GNG12: variants seen among roughly 807,000 people sequenced by gnomAD.
The protein encoded by GNG12 is G protein subunit gamma 12, also known as guanine nucleotide-binding protein G(I)/G(S)/G(O) subunit gamma-12.
For missense variants in GNG12, 69 were observed against 83.8 expected, an observed-to-expected ratio of 0.82 and a Z score of 0.69; for synonymous variants, 28 against 29.7, an observed-to-expected ratio of 0.94 and a Z score of 0.19.
intron 1 of GNG12, among the ~76,000 whole-genome samples, chr1:67,789,981 C>G (rs994888059): frequency 2.0e-5 from 3 of 152,124 alleles, no homozygotes; most frequent in Non-Finnish European, 2.9e-5. Context: ...TATGGATTAG[C>G]AAAGAAATTT....
intron 2 of GNG12, among the ~76,000 whole-genome samples, chr1:67,769,809 C>T (rs912965646): frequency 3.3e-5 from 5 of 150,228 alleles, no homozygotes; most frequent in Non-Finnish European, 4.4e-5. Context: ...AGACAAGGCA[C>T]GCACACACAC....
intron 2 of GNG12, among the ~76,000 whole-genome samples, chr1:67,725,001 T>C (rs1646378251): frequency 1.3e-5 from 2 of 152,246 alleles, no homozygotes; most frequent in African/African-American, 2.4e-5. Flanking sequence ...AATTATTATC[T>C]ACAATTTCCT....
At chr1:67,826,418 A>G (rs1021453939) in intron 1 of GNG12, among the ~76,000 whole-genome samples, 2 of 152,226 alleles carry the variant, frequency 1.3e-5, no homozygotes, top group African/African-American at 2.4e-5. Flanking sequence ...AACAACCTGT[A>G]TAACAGTTCA....
intron 1 of GNG12, among the ~76,000 whole-genome samples, chr1:67,783,416 A>T (rs1570544869): frequency 6.6e-6 from 1 of 152,292 alleles, no homozygotes; most frequent in East Asian, 1.9e-4. Flanking sequence ...GCATACAATA[A>T]TATCACCAGC....
At chr1:67,748,959 C>G (rs1018520549) in intron 2 of GNG12, among the ~76,000 whole-genome samples, 1 of 151,076 alleles carries the variant, frequency 6.6e-6, no homozygotes, top group African/African-American at 2.5e-5. Flanking sequence ...GCCAACTCAA[C>G]ACTTCCCTTA....
chr1:67,728,308 G>A (rs1001751394), intron 2 of GNG12, among the ~76,000 whole-genome samples: 3 of 152,168 alleles, frequency 2.0e-5, no homozygotes, highest in African/African-American at 2.4e-5. Flanking sequence ...AGAGCCATGG[G>A]ACTAGAACAC....
intron 1 of GNG12, among the ~76,000 whole-genome samples, chr1:67,810,370 A>C (rs1646918192): frequency 6.6e-6 from 1 of 152,194 alleles, no homozygotes; most frequent in Non-Finnish European, 1.5e-5. Flanking sequence ...CATAGAATGT[A>C]GAACACCAAG....
chr1:67,721,117 G>T (rs76767007), intron 2 of GNG12, among the ~76,000 whole-genome samples: 1,542 of 152,176 alleles, frequency 0.01, 23 homozygotes, highest in African/African-American at 0.035. Context: ...AGAGGAAGTG[G>T]GAATGATCAG....
At chr1:67,737,072 G>A (rs774282092) in intron 2 of GNG12, among the ~76,000 whole-genome samples, 23 of 152,320 alleles carry the variant, frequency 1.5e-4, no homozygotes, top group Non-Finnish European at 3.1e-4. Context: ...GAAATTCCAC[G>A]TAGGCTGCTA....
intron 2 of GNG12, among the ~76,000 whole-genome samples, chr1:67,726,605 A>C (rs183445173): frequency 1.2e-3 from 178 of 152,388 alleles, no homozygotes; most frequent in African/African-American, 4.3e-3. Context: ...CATTACAAAA[A>C]GATTCCTCCT....
intron 1 of GNG12, among the ~76,000 whole-genome samples, chr1:67,778,878 A>G (rs1646721618): frequency 6.6e-6 from 1 of 152,236 alleles, no homozygotes; most frequent in Admixed American, 6.5e-5. Flanking sequence ...GTTAGATAAT[A>G]GCAGTGATGG....
At chr1:67,740,597 C>T (rs957992019) in intron 2 of GNG12, among the ~76,000 whole-genome samples, 2 of 152,188 alleles carry the variant, frequency 1.3e-5, no homozygotes, top group Non-Finnish European at 2.9e-5. Context: ...CTAAAATTTA[C>T]TACATATATA....
intron 1 of GNG12, 60 bp downstream of exon 1, chr1:67,833,284 G>C: frequency 1.6e-6 from 1 of 636,470 alleles, no homozygotes; most frequent in Non-Finnish European, 2.0e-6. Flanking sequence ...GACGCCCCGC[G>C]CCGCGCCCCG....
intron 1 of GNG12, among the ~76,000 whole-genome samples, chr1:67,825,981 T>C (rs149271534): frequency 6.6e-6 from 1 of 152,376 alleles, no homozygotes; most frequent in East Asian, 1.9e-4. Flanking sequence ...CACTGAATGT[T>C]TGTTTCCTAG....
intron 2 of GNG12, among the ~76,000 whole-genome samples, chr1:67,765,844 T>A (rs1430899251): frequency 6.6e-6 from 1 of 152,146 alleles, no homozygotes; most frequent in Non-Finnish European, 1.5e-5. Flanking sequence ...AGTTTGTGGT[T>A]GAAAATTCCT....
chr1:67,707,342 C>A (rs956251494), intron 3 of GNG12, among the ~76,000 whole-genome samples: 1 of 152,208 alleles, frequency 6.6e-6, no homozygotes, highest in Non-Finnish European at 1.5e-5. Flanking sequence ...CATGTTCATT[C>A]AGGGGAGACA....
rs1646240082 is a variant in GNG12, at chr1:67,705,276, G to A, written c.*175C>T. On this transcript the variant is annotated 3_prime_UTR_variant, in exon 4 of 4. Coordinates refer to ENST00000370982, the MANE Select transcript of GNG12 (RefSeq NM_018841.6). ...TTATTCTGTATTAAATCAGTAAAGGGTATTTTAAGAGAAAGGACAACTTGG... is the reference window on the plus strand; with the variant it reads ...TTATTCTGTATTAAATCAGTAAAGGATATTTTAAGAGAAAGGACAACTTGG... 1.1e-6 allele frequency: 1 copy of A among 912,846 alleles called. No individual in the cohort carries two copies. Among genetic ancestry groups the A allele is most frequent in the East Asian group, 2.8e-5 (1 of 35,694 alleles). 56.5% of individuals were successfully genotyped at this position (912,846 alleles called of 1,614,324 possible). A position where few individuals can be genotyped will look rare whatever the true frequency, so the allele number is the denominator to read the frequency against.
intron 2 of GNG12, among the ~76,000 whole-genome samples, chr1:67,723,751 C>T (rs1317300136): frequency 6.6e-6 from 1 of 152,224 alleles, no homozygotes. Context: ...GAGGAGTCAG[C>T]ACTCTAATCC....
intron 1 of GNG12, among the ~76,000 whole-genome samples, chr1:67,833,070 GGC>G (rs952898081): frequency 2.0e-5 from 3 of 151,270 alleles, no homozygotes; most frequent in African/African-American, 4.9e-5. Context: ...GCCCGTCGAG[GGC>G]GCGCGCGCCG....
Sources: allele counts gnomAD v4.1 joint callset (sites outside exome capture counted in the v4.1 genomes callset), GRCh38; gene constraint gnomAD v4.1.1; transcripts MANE v1.5; gene names NCBI Gene and HGNC (gene_info 2026-07-23, HGNC 2026-07-21).